Variants in LINGO2 observed in about 807,000 individuals in gnomAD.
The protein encoded by LINGO2 is leucine rich repeat and Ig domain containing 2.
LINGO2 carries 14 observed loss-of-function variants against 30.6 expected under a neutral mutation model. The ratio of observed to expected loss-of-function variants is 0.46; its 90% CI spans 0.30 to 0.72. The LOEUF is 0.72. Among genes scored for constraint, LINGO2 ranks in the 30% least tolerant of loss-of-function variants. The pLI, the probability that LINGO2 is intolerant of heterozygous loss-of-function variation, is 0.07. For synonymous variants in LINGO2, 317 were observed against 288.5 expected, an observed-to-expected ratio of 1.10 and a Z score of -1.00; for missense variants, 729 against 751.7, an observed-to-expected ratio of 0.97 and a Z score of 0.35.
chr9:28,353,614 A>G (rs1355421963), intron 3 of LINGO2, among the ~76,000 whole-genome samples: 1 of 151,970 alleles, frequency 6.6e-6, no homozygotes, highest in Non-Finnish European at 1.5e-5. Flanking sequence ...AGGGATCTAG[A>G]ACTAGAAATA....
At chr9:29,030,603 T>C in the LINGO2 span, among the ~76,000 whole-genome samples, 1 of 152,152 alleles carries the variant, frequency 6.6e-6, no homozygotes, top group Admixed American at 6.6e-5. Context: ...AATTCAAATT[T>C]TCTCATTTGT....
chr9:28,401,032 T>C (rs1587617172), intron 2 of LINGO2, among the ~76,000 whole-genome samples: 1 of 152,172 alleles, frequency 6.6e-6, no homozygotes, highest in African/African-American at 2.4e-5. Context: ...CATACGGAAA[T>C]GTGTTTGCAT....
chr9:29,116,938 G>A, the LINGO2 span, among the ~76,000 whole-genome samples: 4 of 152,126 alleles, frequency 2.6e-5, no homozygotes, highest in African/African-American at 4.8e-5. Flanking sequence ...GTCGTCTAAT[G>A]TTCTCTTAAG....
chr9:28,945,929 A>G, the LINGO2 span, among the ~76,000 whole-genome samples: 2 of 151,870 alleles, frequency 1.3e-5, no homozygotes, highest in Non-Finnish European at 2.9e-5. Context: ...GCTTCCTTTC[A>G]CCTCCTCCCC....
intron 2 of LINGO2, among the ~76,000 whole-genome samples, chr9:28,410,652 T>C (rs16912913): frequency 0.024 from 3,663 of 152,182 alleles, 110 homozygotes; most frequent in East Asian, 0.096. Flanking sequence ...CAAAGTATAG[T>C]AAGAGAAAGT....
intron 1 of LINGO2, among the ~76,000 whole-genome samples, chr9:28,547,784 C>A (rs1331242167): frequency 6.6e-6 from 1 of 152,028 alleles, no homozygotes; most frequent in Admixed American, 6.6e-5. Context: ...TTGAGAATGA[C>A]AAAAGGCTGA....
chr9:28,521,604 T>G (rs1820831922), intron 1 of LINGO2, among the ~76,000 whole-genome samples: 1 of 152,226 alleles, frequency 6.6e-6, no homozygotes, highest in African/African-American at 2.4e-5. Context: ...TTACAAACAC[T>G]GAGGTTGTAG....
chr9:28,193,218 C>A (rs960373946), intron 4 of LINGO2, among the ~76,000 whole-genome samples: 2 of 152,058 alleles, frequency 1.3e-5, no homozygotes, highest in African/African-American at 2.4e-5. Context: ...TTTGAATAGT[C>A]CCCTTCCTTC....
rs151204534 is a variant in LINGO2 at position 28,222,945 on chromosome 9, T to G, written c.-87+72263A>C. Among the ~76,000 whole-genome samples the G allele has an allele frequency of 8.5e-5, 13 of 152,268 alleles. No individual in the cohort carries two copies. The East Asian group carries it at 2.5e-3, about 29-fold the overall frequency. ...GAGTTTACCTAGTTAGTCAGAGGAA[T>G]GAAATCATTATATATTTCTAAAGAA... is the stretch of plus-strand genomic sequence containing the variant. On this transcript the variant is annotated intron_variant, in intron 4 of 5. Coordinates refer to ENST00000379992, the Ensembl canonical transcript of LINGO2.
chr9:28,453,004 G>A (rs1391988450), intron 2 of LINGO2, among the ~76,000 whole-genome samples: 5 of 152,010 alleles, frequency 3.3e-5, no homozygotes, highest in Admixed American at 2.0e-4. Flanking sequence ...ATTGGGAAAA[G>A]TTTAGACTTA....
the LINGO2 span, among the ~76,000 whole-genome samples, chr9:29,042,186 T>G: frequency 1.3e-5 from 2 of 151,988 alleles, no homozygotes. Flanking sequence ...GGATCACTCA[T>G]GCACTGCTGA....
the LINGO2 span, among the ~76,000 whole-genome samples, chr9:29,014,005 T>A: frequency 6.6e-6 from 1 of 152,158 alleles, no homozygotes; most frequent in Non-Finnish European, 1.5e-5. Flanking sequence ...CTTTCTTGAT[T>A]TTCCCTCTCT....
At position 28,445,354 on chromosome 9, in the gene LINGO2, A is replaced by T. The variant is rs573822318; in HGVS notation, c.-279+30586T>A. On this transcript the variant is annotated intron_variant, in intron 2 of 5. Coordinates refer to ENST00000379992, the Ensembl canonical transcript of LINGO2. ...ATGGTCCCTACACCTCATCCTGACC[A>T]CCCTGAAGCTTGTGATCAAAGCCAC... Among the ~76,000 whole-genome samples the T allele has an allele frequency of 3.3e-5, 5 of 152,180 alleles. No homozygotes were observed. The East Asian group carries it at 9.7e-4, about 29-fold the overall frequency.
intron 5 of LINGO2, among the ~76,000 whole-genome samples, chr9:28,003,041 A>G (rs1822043048): frequency 6.6e-6 from 1 of 152,190 alleles, no homozygotes; most frequent in South Asian, 2.1e-4. Context: ...TGAAAAATGA[A>G]TAAGTTAATG....
At chr9:28,232,881 C>T (rs1821408327) in intron 4 of LINGO2, among the ~76,000 whole-genome samples, 1 of 151,434 alleles carries the variant, frequency 6.6e-6, no homozygotes, top group Admixed American at 6.6e-5. Flanking sequence ...GGCATGTCAA[C>T]TCCATTGCTG....
At position 28,242,519 on chromosome 9, in the gene LINGO2, G is replaced by T. The variant is rs577612657; in HGVS notation, c.-87+52689C>A. Reference sequence around the variant, plus strand: ...CTGATTGGAGTACCTGAAAGAGACAGGGTGAATGGATTCAAGTTGAAAAAC... The same window carrying T: ...CTGATTGGAGTACCTGAAAGAGACATGGTGAATGGATTCAAGTTGAAAAAC... On this transcript the variant is annotated intron_variant, in intron 4 of 5. Coordinates refer to ENST00000379992, the Ensembl canonical transcript of LINGO2. Among the ~76,000 whole-genome samples, 6 of 152,248 alleles carry T rather than the reference G, an allele frequency of 3.9e-5. No homozygotes were observed. In the East Asian group the frequency reaches 1.2e-3, roughly 29 times the overall value.
the LINGO2 span, among the ~76,000 whole-genome samples, chr9:28,744,106 A>ATT: frequency 1.6e-5 from 2 of 127,452 alleles, no homozygotes; most frequent in East Asian, 2.4e-4. Flanking sequence ...ATATATATAT[A>ATT]TATTTTTTTT....
chr9:28,458,321 T>A (rs1200749466), intron 2 of LINGO2, among the ~76,000 whole-genome samples: 1 of 152,192 alleles, frequency 6.6e-6, no homozygotes, highest in Non-Finnish European at 1.5e-5. Flanking sequence ...TTTTTATACG[T>A]CCCAGGACTA....
the LINGO2 span, among the ~76,000 whole-genome samples, chr9:29,172,723 T>A: frequency 6.6e-6 from 1 of 151,876 alleles, no homozygotes; most frequent in Non-Finnish European, 1.5e-5. Flanking sequence ...GTAATTAAAC[T>A]CTTCTTTCAC....
Sources: allele counts gnomAD v4.1 joint callset (sites outside exome capture counted in the v4.1 genomes callset), GRCh38; gene constraint gnomAD v4.1.1; transcripts MANE v1.5; gene names NCBI Gene and HGNC (gene_info 2026-07-23, HGNC 2026-07-21).